Variants in KIF21A observed in about 807,000 individuals in gnomAD.
KIF21A encodes kinesin family member 21A.
KIF21A carries 114 observed loss-of-function variants against 202.9 expected under a neutral mutation model. The ratio of observed to expected loss-of-function variants is 0.56; its 90% CI spans 0.48 to 0.66. KIF21A has a LOEUF of 0.66. Among genes scored for constraint, KIF21A ranks in the 30% least tolerant of loss-of-function variants. The pLI is 0.00. For synonymous variants in KIF21A, 667 were observed against 670.8 expected (o/e 0.99, Z 0.09); for missense variants, 1,677 against 1,994.9 (o/e 0.84, Z 3.04).
At chr12:39,321,834 T>C (rs1006230141) in intron 27 of KIF21A, 17 of 152,194 alleles carry the variant, frequency 1.1e-4, no homozygotes, top group African/African-American at 3.4e-4. Context: ...CTAGATCACA[T>C]GTGAGGATTA....
At chr12:39,327,838 C>T (rs1361769130) in intron 24 of KIF21A, among the ~76,000 whole-genome samples, 1 of 152,154 alleles carries the variant, frequency 6.6e-6, no homozygotes, top group Non-Finnish European at 1.5e-5. Flanking sequence ...CCAAGGTTAG[C>T]TTCTTTTCTT....
chr12:39,329,141 T>C (rs963385448), intron 24 of KIF21A, among the ~76,000 whole-genome samples: 9 of 152,216 alleles, frequency 5.9e-5, no homozygotes, highest in African/African-American at 2.2e-4. Context: ...TTAAATTTCA[T>C]TGTTTTCTCA....
rs751630692 is a variant in KIF21A at position 39,367,166 on chromosome 12, TG to T, written c.601-3del. On this transcript the variant is annotated splice_region_variant and splice_polypyrimidine_tract_variant and intron_variant, in intron 4 of 37. Transcript: ENST00000361418. ...ACCCAACTTCAAACACTGCATCATCTGAAAAAGGGGAAGAAACAAGGACTTT... is the reference window on the plus strand; with the variant it reads ...ACCCAACTTCAAACACTGCATCATCTAAAAAGGGGAAGAAACAAGGACTTT... 19 of 1,613,650 alleles carry T rather than the reference TG, an allele frequency of 1.2e-5. No individual in the cohort carries two copies. Among genetic ancestry groups the T allele is most frequent in the Middle Eastern group, 1.6e-4 (1 of 6,084 alleles).
chr12:39,393,266 T>C (rs532410011), intron 1 of KIF21A, among the ~76,000 whole-genome samples: 75 of 152,046 alleles, frequency 4.9e-4, no homozygotes, highest in Middle Eastern at 3.2e-3. Context: ...TCCCACCATT[T>C]CTAGACACAA....
chr12:39,417,722 G>C (rs370652582), intron 1 of KIF21A, among the ~76,000 whole-genome samples: 3 of 151,978 alleles, frequency 2.0e-5, no homozygotes, highest in African/African-American at 7.3e-5. Flanking sequence ...ATTATATTCG[G>C]TCAGGTATTG....
At position 39,369,880 on chromosome 12, in the gene KIF21A, G is replaced by C; in HGVS notation, c.299C>G (p.Thr100Arg). ...CTCAACAATGTTAACATCAAATCCTGTTCCCATTGTGTATGTTTTACCAGC... is the reference window on the plus strand; with the variant it reads ...CTCAACAATGTTAACATCAAATCCTCTTCCCATTGTGTATGTTTTACCAGC... ...TGAGKTYTMGTGFDVNIVEEE... is the reference protein window; with the variant it reads ...TGAGKTYTMGRGFDVNIVEEE... Residue 100 changes from threonine (T) to arginine (R), a missense_variant, in exon 3 of 38, where the codon ACA (threonine) becomes AGA (arginine). By Grantham distance (71) the Thr-to-Arg change is moderately conservative. Coordinates refer to ENST00000361418, the MANE Select transcript of KIF21A (RefSeq NM_001173464.2). 1.2e-6 allele frequency: 2 copies of C among 1,613,448 alleles called. No homozygotes were observed. The highest frequency in any genetic ancestry group is 1.7e-6 in the Non-Finnish European group (2 of 1,179,666).
Position 39,358,248 on chromosome 12 carries a change from G to C in KIF21A, c.1145C>G (p.Ala382Gly). The C allele has an allele frequency of 6.2e-7, 1 of 1,614,032 alleles. No homozygotes were observed. Among genetic ancestry groups the C allele is most frequent in the Non-Finnish European group, 8.5e-7 (1 of 1,179,952 alleles). The part of the protein sequence containing the change: ...KNKVMVNQDR[A>G]SQQINALRSE... ...ACGAAGTGCATTGATTTGCTGACTA[G>C]CTCTGTCCTGATTGACCATCACCTT... is the stretch of plus-strand genomic sequence containing the variant. The change falls in exon 8 of 38, where the codon GCT becomes GGT. Residue 382 changes from alanine to glycine, a missense_variant. Coordinates refer to ENST00000361418, the MANE Select transcript of KIF21A (RefSeq NM_001173464.2).
rs375530800 is a variant in KIF21A, at chr12:39,315,243, G to A, written c.3948-3C>T. Reference sequence around the variant, plus strand: ...CCCCTGCCTACCTTCTGGAGGATCTGCTGATGATCAGCAAAAATGGCCATA... The same window carrying A: ...CCCCTGCCTACCTTCTGGAGGATCTACTGATGATCAGCAAAAATGGCCATA... On this transcript the variant is annotated splice_region_variant and splice_polypyrimidine_tract_variant and intron_variant, in intron 30 of 37. Transcript: ENST00000361418. 3.1e-6 allele frequency: 5 copies of A among 1,611,646 alleles called. No individual in the cohort carries two copies. In the South Asian group the frequency reaches 5.5e-5, roughly 18 times the overall value.
chr12:39,343,804 C>A (rs1947656894), intron 12 of KIF21A, among the ~76,000 whole-genome samples: 1 of 152,216 alleles, frequency 6.6e-6, no homozygotes, highest in East Asian at 1.9e-4. Context: ...CTCCGCATTA[C>A]ATCCCTAGTA....
At chr12:39,337,037 T>C (rs1314763932) in intron 17 of KIF21A, 59 bp downstream of exon 17, 2 of 1,199,188 alleles carry the variant, frequency 1.7e-6, no homozygotes, top group Non-Finnish European at 2.5e-6. Flanking sequence ...CTCCATTTAT[T>C]AAACAATCTT....
intron 15 of KIF21A, among the ~76,000 whole-genome samples, chr12:39,340,666 A>G (rs781375099): frequency 2.0e-5 from 3 of 152,166 alleles, no homozygotes; most frequent in Admixed American, 6.6e-5. Flanking sequence ...TGAAAAAACA[A>G]AACAAATAAC....
chr12:39,429,174 T>C (rs1954992510), intron 1 of KIF21A, among the ~76,000 whole-genome samples: 1 of 152,184 alleles, frequency 6.6e-6, no homozygotes, highest in East Asian at 1.9e-4. Flanking sequence ...CCTTGCCTGC[T>C]AACCAACTAG....
intron 37 of KIF21A, among the ~76,000 whole-genome samples, chr12:39,296,837 A>C (rs992825274): frequency 3.9e-5 from 6 of 152,224 alleles, no homozygotes; most frequent in Admixed American, 3.9e-4. Flanking sequence ...TATGGACTCA[A>C]CTCTACATGA....
intron 1 of KIF21A, among the ~76,000 whole-genome samples, chr12:39,435,470 G>A (rs1038042695): frequency 1.7e-4 from 26 of 150,318 alleles, no homozygotes; most frequent in African/African-American, 6.4e-4. Context: ...GTGTAGATGT[G>A]GGATTTAGGA....
chr12:39,305,258 C>A (rs1297767767), intron 34 of KIF21A, among the ~76,000 whole-genome samples: 1 of 150,980 alleles, frequency 6.6e-6, no homozygotes, highest in Non-Finnish European at 1.5e-5. Context: ...CCCAGCTACT[C>A]AGGAGGCTGA....
chr12:39,359,575 T>C (rs1949045036), intron 7 of KIF21A, among the ~76,000 whole-genome samples: 1 of 152,210 alleles, frequency 6.6e-6, no homozygotes, highest in Non-Finnish European at 1.5e-5. Context: ...GTTAAAATAA[T>C]TCATGCCATT....
rs11836651 is a variant in KIF21A, at chr12:39,406,116, A to C, written c.45-35855T>G. Among the ~76,000 whole-genome samples, 1,298 of 152,206 alleles carry C rather than the reference A, an allele frequency of 8.5e-3. 12 individuals are homozygous for C. Among genetic ancestry groups the C allele is most frequent in the African/African-American group, 0.021 (876 of 41,534 alleles). On this transcript the variant is annotated intron_variant, in intron 1 of 37. Coordinates refer to ENST00000361418, the MANE Select transcript of KIF21A (RefSeq NM_001173464.2). ...CAGAACAGAGCCTGAAAACAAACAA[A>C]CAAAAAAAATTATTCTATTCTCTAA...
At chr12:39,346,146 A>C (rs938248558) in intron 12 of KIF21A, among the ~76,000 whole-genome samples, 1 of 152,016 alleles carries the variant, frequency 6.6e-6, no homozygotes, top group African/African-American at 2.4e-5. Context: ...TTTTTTAATA[A>C]ATCAAATGGC....
chr12:39,371,135 T>C (rs983507367), intron 1 of KIF21A, among the ~76,000 whole-genome samples: 14 of 152,166 alleles, frequency 9.2e-5, no homozygotes, highest in Non-Finnish European at 1.9e-4. Flanking sequence ...ACATATCCAG[T>C]ACAGATGTAA....
Sources: allele counts gnomAD v4.1 joint callset (sites outside exome capture counted in the v4.1 genomes callset), GRCh38; gene constraint gnomAD v4.1.1; transcripts MANE v1.5; gene names NCBI Gene and HGNC (gene_info 2026-07-23, HGNC 2026-07-21).